Variants in QTMAN observed in about 807,000 individuals in gnomAD.
QTMAN encodes tRNA-queuosine alpha-mannosyltransferase.
the QTMAN span, among the ~76,000 whole-genome samples, chr2:144,304,034 A>C: frequency 0.011 from 1,750 of 152,356 alleles, 32 homozygotes; most frequent in African/African-American, 0.04. Flanking sequence ...CAAGGGTTCC[A>C]TGTGTACTCT....
chr2:144,275,132 C>G, the QTMAN span, among the ~76,000 whole-genome samples: 1 of 152,134 alleles, frequency 6.6e-6, no homozygotes, highest in African/African-American at 2.4e-5. Flanking sequence ...CGTCTGTAAT[C>G]CCAGCACTTT....
chr2:144,111,555 T>C, the QTMAN span, among the ~76,000 whole-genome samples: 1 of 152,202 alleles, frequency 6.6e-6, no homozygotes, highest in Non-Finnish European at 1.5e-5. Flanking sequence ...GTCTGAACAC[T>C]GACACTTGGA....
At chr2:144,105,895 C>G in the QTMAN span, among the ~76,000 whole-genome samples, 36,865 of 152,160 alleles carry the variant, frequency 0.24, 5,427 homozygotes, top group East Asian at 0.38. Flanking sequence ...ATTAGACTAA[C>G]AGTGAATCTC....
chr2:144,141,305 C>T, the QTMAN span, among the ~76,000 whole-genome samples: 1 of 151,218 alleles, frequency 6.6e-6, no homozygotes, highest in Non-Finnish European at 1.5e-5. Flanking sequence ...TCAAGGTGGG[C>T]CCAGCAGCAA....
chr2:144,209,319 C>A, the QTMAN span, among the ~76,000 whole-genome samples: 1 of 152,220 alleles, frequency 6.6e-6, no homozygotes, highest in African/African-American at 2.4e-5. Context: ...TTAAATTCAT[C>A]AGGTATAACT....
the QTMAN span, among the ~76,000 whole-genome samples, chr2:144,019,404 G>A: frequency 6.6e-6 from 1 of 151,626 alleles, no homozygotes; most frequent in Non-Finnish European, 1.5e-5. Flanking sequence ...TGAGCAGAGA[G>A]GGGGAGGCAG....
the QTMAN span, among the ~76,000 whole-genome samples, chr2:144,042,557 C>T: frequency 1.3e-5 from 2 of 151,964 alleles, no homozygotes; most frequent in East Asian, 1.9e-4. Context: ...AGATCCAGAC[C>T]ATCCTGGCTA....
At chr2:144,221,208 A>G in the QTMAN span, among the ~76,000 whole-genome samples, 9 of 152,202 alleles carry the variant, frequency 5.9e-5, 1 homozygote, top group Admixed American at 5.2e-4. Flanking sequence ...ATATTCTATC[A>G]CTTTTCATCA....
the QTMAN span, among the ~76,000 whole-genome samples, chr2:143,982,822 C>CCA: frequency 6.8e-6 from 1 of 147,168 alleles, no homozygotes; most frequent in Non-Finnish European, 1.5e-5. Context: ...CTATCGCACT[C>CCA]CAGCCTGTGG....
chr2:144,091,979 A>T, the QTMAN span, among the ~76,000 whole-genome samples: 1 of 152,182 alleles, frequency 6.6e-6, no homozygotes, highest in African/African-American at 2.4e-5. Context: ...TATAAAAAAA[A>T]CTAACTGATA....
chr2:144,092,884 T>TGTGC, the QTMAN span, among the ~76,000 whole-genome samples: 1 of 151,194 alleles, frequency 6.6e-6, no homozygotes, highest in Non-Finnish European at 1.5e-5. Flanking sequence ...TGTGTGTGTG[T>TGTGC]GTGTGTGTGT....
At chr2:144,201,318 T>C in the QTMAN span, among the ~76,000 whole-genome samples, 4 of 151,950 alleles carry the variant, frequency 2.6e-5, no homozygotes, top group Non-Finnish European at 4.4e-5. Flanking sequence ...CAAGCAGTAA[T>C]AGGACTTGAG....
the QTMAN span, among the ~76,000 whole-genome samples, chr2:144,272,139 A>G: frequency 1.3e-5 from 2 of 152,224 alleles, no homozygotes; most frequent in Non-Finnish European, 2.9e-5. Flanking sequence ...ATAACTCCAA[A>G]GAAAAATTAA....
At chr2:144,269,466 T>C in the QTMAN span, among the ~76,000 whole-genome samples, 1 of 152,122 alleles carries the variant, frequency 6.6e-6, no homozygotes, top group Non-Finnish European at 1.5e-5. Flanking sequence ...ATTTTTTGCA[T>C]AGTAAAATGT....
the QTMAN span, among the ~76,000 whole-genome samples, chr2:144,268,948 C>T: frequency 2.6e-5 from 4 of 152,080 alleles, no homozygotes; most frequent in African/African-American, 9.7e-5. Context: ...TGCCATCATG[C>T]CCACCTAATT....
chr2:144,270,979 G>C, the QTMAN span, among the ~76,000 whole-genome samples: 2 of 152,140 alleles, frequency 1.3e-5, no homozygotes, highest in Admixed American at 6.5e-5. Flanking sequence ...ATATTTCCTT[G>C]AGCGGGGTTC....
the QTMAN span, among the ~76,000 whole-genome samples, chr2:143,994,441 T>G: frequency 1.3e-5 from 2 of 152,210 alleles, no homozygotes; most frequent in East Asian, 3.9e-4. Context: ...TATATGCAAA[T>G]GTACCAAGAG....
the QTMAN span, among the ~76,000 whole-genome samples, chr2:144,029,816 G>C: frequency 1.3e-5 from 2 of 151,952 alleles, no homozygotes; most frequent in Non-Finnish European, 2.9e-5. Context: ...CTTTCAAATA[G>C]GTAGGCAGAT....
chr2:144,266,973 T>C, the QTMAN span, among the ~76,000 whole-genome samples: 8,766 of 152,116 alleles, frequency 0.058, 364 homozygotes, highest in South Asian at 0.16. Flanking sequence ...ATTAGAGGTA[T>C]TGGAAGGTAA....
Sources: gnomAD v4.1 joint callset for allele counts (sites outside exome capture counted in the v4.1 genomes callset) on GRCh38, gnomAD v4.1.1 for gene constraint, MANE v1.5 for transcripts, NCBI Gene and HGNC (gene_info 2026-07-23, HGNC 2026-07-21) for gene names.